MYH9: variants seen among roughly 807,000 people sequenced by gnomAD.
MYH9 encodes the protein myosin-9.
MYH9 carries 29 observed loss-of-function variants against 241.9 expected under a neutral mutation model. The ratio of observed to expected loss-of-function variants is 0.12; its 90% CI spans 0.09 to 0.16. MYH9 has a LOEUF of 0.16. Ranked by LOEUF, MYH9 falls within the 10% of genes least tolerant of loss-of-function variation. The pLI is 1.00. For synonymous variants in MYH9, 1,047 were observed against 1,062.6 expected, an observed-to-expected ratio of 0.99 and a Z score of 0.29; for missense variants, 1,803 against 2,595.5, an observed-to-expected ratio of 0.69 and a Z score of 6.63.
At chr22:36,371,035 G>A (rs944307141) in intron 1 of MYH9, among the ~76,000 whole-genome samples, 1 of 152,128 alleles carries the variant, frequency 6.6e-6, no homozygotes, top group Non-Finnish European at 1.5e-5. Context: ...AACCGGTAGA[G>A]CACCGTCCTG....
chr22:36,312,473 G>GGTCTGATGAAAAGTGCAC (rs1603483280), intron 13 of MYH9, among the ~76,000 whole-genome samples: 1 of 152,310 alleles, frequency 6.6e-6, no homozygotes, highest in Non-Finnish European at 1.5e-5. Flanking sequence ...ACCCTCAGTG[G>GGTCTGATGAAAAGTGCAC]GTCTGATGAA....
At chr22:36,304,714 A>T (rs918059992) in intron 18 of MYH9, among the ~76,000 whole-genome samples, 28 of 152,322 alleles carry the variant, frequency 1.8e-4, no homozygotes, top group Middle Eastern at 3.4e-3. Flanking sequence ...ACCACACTGG[A>T]TGTGGAGTCA....
At chr22:36,326,742 T>C in intron 4 of MYH9, 81 bp from the exon 5 acceptor site, 2 of 1,197,990 alleles carry the variant, frequency 1.7e-6, no homozygotes, top group Non-Finnish European at 2.5e-6. Context: ...CACGCTCCAC[T>C]GCCTCGCATT....
At chr22:36,321,254 T>C (rs533844668) in intron 7 of MYH9, among the ~76,000 whole-genome samples, 9 of 152,298 alleles carry the variant, frequency 5.9e-5, no homozygotes, top group Admixed American at 2.6e-4. Flanking sequence ...CAGCCTTCCA[T>C]TGTCCTCTTA....
chr22:36,376,292 G>A (rs2018166328), intron 1 of MYH9, among the ~76,000 whole-genome samples: 1 of 152,074 alleles, frequency 6.6e-6, no homozygotes, highest in Non-Finnish European at 1.5e-5. Context: ...TTAATAACGA[G>A]ACTGTGATGG....
intron 27 of MYH9, 89 bp from the exon 28 acceptor site, chr22:36,294,387 C>T (rs1320120020): frequency 7.0e-6 from 10 of 1,423,048 alleles, no homozygotes; most frequent in Admixed American, 3.5e-5. Context: ...ATCCAGACAT[C>T]GCTGCTTCTG....
chr22:36,345,539 C>T (rs1204166781), intron 2 of MYH9, among the ~76,000 whole-genome samples: 1 of 152,088 alleles, frequency 6.6e-6, no homozygotes, highest in Non-Finnish European at 1.5e-5. Flanking sequence ...CCAAGAGGAG[C>T]GCCTCCCAAT....
At chr22:36,283,814 C>T (rs1376443140) in intron 40 of MYH9, among the ~76,000 whole-genome samples, 1 of 152,230 alleles carries the variant, frequency 6.6e-6, no homozygotes, top group Non-Finnish European at 1.5e-5. Flanking sequence ...AACTGAGGCA[C>T]CTAACATGTG....
chr22:36,317,983 T>A (rs1911519935), intron 11 of MYH9, among the ~76,000 whole-genome samples: 1 of 152,256 alleles, frequency 6.6e-6, no homozygotes, highest in Admixed American at 6.5e-5. Context: ...AGTCTCAGGA[T>A]GGCACTTCCT....
chr22:36,311,446 C>T (rs2017062210), intron 14 of MYH9, among the ~76,000 whole-genome samples: 1 of 151,892 alleles, frequency 6.6e-6, no homozygotes, highest in African/African-American at 2.4e-5. Flanking sequence ...GTGCTCCTAA[C>T]TCTAGTGGGT....
chr22:36,368,606 G>A (rs566810466), intron 1 of MYH9, among the ~76,000 whole-genome samples: 1 of 152,322 alleles, frequency 6.6e-6, no homozygotes, highest in African/African-American at 2.4e-5. Flanking sequence ...CCTCCTGTCT[G>A]CTACCAATCC....
chr22:36,386,080 A>G (rs529264318), intron 1 of MYH9, among the ~76,000 whole-genome samples: 35 of 152,156 alleles, frequency 2.3e-4, no homozygotes, highest in Admixed American at 2.0e-4. Flanking sequence ...AAACTCCCCA[A>G]GGGCAGAGGC....
At position 36,291,683 on chromosome 22, in the gene MYH9, TAA is replaced by T. The variant is rs66686435; in HGVS notation, c.4344+301_4344+302del. On this transcript the variant is annotated intron_variant, in intron 31 of 40. Transcript: ENST00000216181. ...ACCCAAGAATGATCAATAAAAAAAT[TAA>T]AAAAAAAAAAAAAAAAAAAAAGACA... 7.7e-3 allele frequency among the ~76,000 whole-genome samples: 667 copies of T among 86,910 alleles called. 8 individuals carry two copies. Among genetic ancestry groups the T allele is most frequent in the African/African-American group, 0.024 (530 of 21,972 alleles). The allele number at this position is 86,910 out of a possible 152,430, so 57.0% of individuals were successfully genotyped here.
At chr22:36,322,582 C>G in intron 5 of MYH9, 61 bp from the exon 6 acceptor site, 6 of 1,540,114 alleles carry the variant, frequency 3.9e-6, no homozygotes, top group Non-Finnish European at 5.4e-6. Flanking sequence ...CGAGCCTGCC[C>G]TGCCTGGAAG....
At chr22:36,319,871 G>C in intron 9 of MYH9, 1 of 629,196 alleles carries the variant, frequency 1.6e-6, no homozygotes, top group East Asian at 2.7e-5. Context: ...CATTCATGCT[G>C]GGCTTCACCA....
In MYH9 at chr22:36,285,069, G is replaced by T; in HGVS notation, c.5483+52C>A. On this transcript the variant is annotated intron_variant, in intron 38 of 40. Coordinates refer to ENST00000216181, the MANE Select transcript of MYH9 (RefSeq NM_002473.6). The surrounding 1 kb of genome is among the most constrained non-coding windows in gnomAD (Gnocchi z 7.0). The stretch of plus-strand genomic sequence containing the variant: ...CAGATTTGGGCAGGACTGCAGGGGG[G>T]CCAGAGTTTTTTCCAGGACAGCTGG... The T allele has an allele frequency of 6.4e-7, 1 of 1,564,390 alleles. No homozygotes were observed. Among genetic ancestry groups the T allele is most frequent in the East Asian group, 2.3e-5 (1 of 44,412 alleles).
Position 36,320,140 on chromosome 22 carries a change from C to T in MYH9, c.1012+80G>A, listed in dbSNP as rs566850553. The T allele has an allele frequency of 3.2e-6, 5 of 1,563,650 alleles. No homozygotes were observed. In the South Asian group the frequency reaches 3.3e-5, roughly 10 times the overall value. On this transcript the variant is annotated intron_variant, in intron 9 of 40. Transcript: ENST00000216181. The surrounding 1 kb of genome is among the most constrained non-coding windows in gnomAD (Gnocchi z 4.8). ...CCTCTAGCAGGCTCCCCAGGCCCAT[C>T]GGCTACCCTGATGCCCCGAGGCCGT...
intron 1 of MYH9, among the ~76,000 whole-genome samples, chr22:36,356,347 G>A (rs2017855096): frequency 6.6e-6 from 1 of 152,054 alleles, no homozygotes; most frequent in African/African-American, 2.4e-5. Flanking sequence ...TTGGGAGGCT[G>A]AGGCGAGTGG....
At chr22:36,321,946 G>T in intron 6 of MYH9, 125 bp from the exon 7 acceptor site, 2 of 883,188 alleles carry the variant, frequency 2.3e-6, no homozygotes, top group Non-Finnish European at 3.8e-6. Context: ...AAAACCCAGA[G>T]ACGGGACCCA....
Sources: gnomAD v4.1 joint callset for allele counts (sites outside exome capture counted in the v4.1 genomes callset) on GRCh38, gnomAD v4.1.1 for gene constraint, Gnocchi (gnomAD v3.1) non-coding constraint, MANE v1.5 for transcripts, NCBI Gene and HGNC (gene_info 2026-07-23, HGNC 2026-07-21) for gene names.